Variants in HIVEP3 observed in about 807,000 individuals in gnomAD.
The protein encoded by HIVEP3 is HIVEP zinc finger 3, also known as transcription factor HIVEP3.
Under a neutral mutation model 152.8 loss-of-function variants are expected in HIVEP3, and 49 were observed. The ratio of observed to expected loss-of-function variants is 0.32; its 90% confidence interval spans 0.26 to 0.41. HIVEP3 has a LOEUF of 0.41. Ranked by LOEUF, HIVEP3 falls within the 10% of genes least tolerant of loss-of-function variation. The probability of loss-of-function intolerance (pLI) is 1.00; values close to 1 mark genes in which losing one functional copy is unlikely to be tolerated. For missense variants in HIVEP3, 2,790 were observed against 3,103.3 expected (o/e 0.90, Z 2.40); for synonymous variants, 1,269 against 1,289.0 (o/e 0.98, Z 0.33).
chr1:41,695,122 G>A (rs1451579407), intron 2 of HIVEP3, among the ~76,000 whole-genome samples: 1 of 152,192 alleles, frequency 6.6e-6, no homozygotes, highest in African/African-American at 2.4e-5. Context: ...GGGTCAAAGA[G>A]CTACTGTCAG....
At chr1:41,694,472 T>C (rs574852968) in intron 2 of HIVEP3, among the ~76,000 whole-genome samples, 1 of 152,282 alleles carries the variant, frequency 6.6e-6, no homozygotes, top group Non-Finnish European at 1.5e-5. Context: ...AATGAACAAG[T>C]GAATGAAAGA....
chr1:41,672,471 G>C (rs558547525), intron 2 of HIVEP3, among the ~76,000 whole-genome samples: 1 of 152,162 alleles, frequency 6.6e-6, no homozygotes, highest in South Asian at 2.1e-4. Context: ...GCAGTCCCAC[G>C]TGCCTCTCCC....
intron 2 of HIVEP3, among the ~76,000 whole-genome samples, chr1:41,651,780 T>A (rs1005777442): frequency 6.6e-6 from 1 of 152,240 alleles, no homozygotes; most frequent in Admixed American, 6.5e-5. Flanking sequence ...TTTTAAAAAT[T>A]TTTTTACATT....
chr1:41,770,005 G>A (rs1338850185), intron 1 of HIVEP3, among the ~76,000 whole-genome samples: 1 of 152,178 alleles, frequency 6.6e-6, no homozygotes, highest in Non-Finnish European at 1.5e-5. Context: ...GTCTCCCTCT[G>A]TTGCCCAGGC....
At chr1:41,637,458 C>T (rs2149154576) in intron 2 of HIVEP3, among the ~76,000 whole-genome samples, 1 of 152,364 alleles carries the variant, frequency 6.6e-6, no homozygotes, top group South Asian at 2.1e-4. Context: ...CCCCCTCCCT[C>T]AACAGTCTGC....
intron 1 of HIVEP3, among the ~76,000 whole-genome samples, chr1:42,018,192 C>A (rs1348475011): frequency 1.3e-5 from 2 of 151,536 alleles, no homozygotes; most frequent in African/African-American, 2.4e-5. Flanking sequence ...CTCTTTCATT[C>A]CCTTAATAGT....
chr1:41,852,861 A>T (rs1189572689), intron 1 of HIVEP3, among the ~76,000 whole-genome samples: 1 of 152,248 alleles, frequency 6.6e-6, no homozygotes, highest in Non-Finnish European at 1.5e-5. Flanking sequence ...AGTTCACTCC[A>T]GCAACTGGCT....
In HIVEP3 at chr1:41,946,094, G is replaced by C. The variant is rs113697137; in HGVS notation, n.120-27570C>G. On this transcript the variant is annotated intron_variant and non_coding_transcript_variant, in intron 1 of 3. Transcript: ENST00000489103. Reference sequence around the variant, plus strand: ...AGTGGACTTTGGAGGCTCTGGAAACGGGAAAAGCTGGGCAAATTGAATGCC... The same window carrying C: ...AGTGGACTTTGGAGGCTCTGGAAACCGGAAAAGCTGGGCAAATTGAATGCC... Among the ~76,000 whole-genome samples the C allele has an allele frequency of 8.3e-3, 1,262 of 152,290 alleles. 19 individuals are homozygous for C. The highest frequency in any genetic ancestry group is 0.029 in the African/African-American group (1,218 of 41,538).
At chr1:41,633,983 C>T (rs558201153) in intron 2 of HIVEP3, among the ~76,000 whole-genome samples, 1 of 152,268 alleles carries the variant, frequency 6.6e-6, no homozygotes, top group East Asian at 1.9e-4. Flanking sequence ...AATTTGGTAT[C>T]TGCATCATTT....
chr1:41,752,645 T>TGGGCCTGTC (rs1395460016), intron 1 of HIVEP3, among the ~76,000 whole-genome samples: 1 of 152,194 alleles, frequency 6.6e-6, no homozygotes, highest in Admixed American at 6.5e-5. Flanking sequence ...TGCAAATCCC[T>TGGGCCTGTC]GGGCCTGTCC....
chr1:41,584,854 T>C lies in HIVEP3; in HGVS notation c.-57A>G. The C allele has an allele frequency of 7.1e-7, 1 of 1,408,964 alleles. No homozygotes were observed. Among genetic ancestry groups the C allele is most frequent in the South Asian group, 1.7e-5 (1 of 57,396 alleles). 87.3% of individuals were successfully genotyped at this position (1,408,964 alleles called of 1,614,324 possible). A position where few individuals can be genotyped will look rare whatever the true frequency, so the allele number is the denominator to read the frequency against. On this transcript the variant is annotated 5_prime_UTR_variant, in exon 4 of 9. Coordinates refer to ENST00000372583, the MANE Select transcript of HIVEP3 (RefSeq NM_024503.5). This position sits in a 1 kb window ranked among gnomAD's most constrained non-coding sequence, Gnocchi z 5.2. ...GGAGAGTCAGGGCGGGCTGCATTTA[T>C]GAATAATCCCAGTGTCCCAAGGAGG...
intron 1 of HIVEP3, among the ~76,000 whole-genome samples, chr1:41,702,099 C>T (rs1242083627): frequency 6.6e-6 from 1 of 152,026 alleles, no homozygotes; most frequent in Non-Finnish European, 1.5e-5. Context: ...AAAGTTGTTA[C>T]GAGGAGTAAA....
intron 1 of HIVEP3, among the ~76,000 whole-genome samples, chr1:41,904,554 C>T (rs938417593): frequency 3.3e-5 from 5 of 152,142 alleles, no homozygotes; most frequent in South Asian, 2.1e-4. Context: ...ACACAGAGTG[C>T]GCCGTAAAAG....
chr1:41,583,792 C>G lies in HIVEP3; in HGVS notation c.1006G>C (p.Glu336Gln). The G allele has an allele frequency of 1.3e-6, 2 of 1,591,860 alleles. No homozygotes were observed. Among genetic ancestry groups the G allele is most frequent in the South Asian group, 1.2e-5 (1 of 86,574 alleles). The change falls in exon 4 of 9, where the codon GAA becomes CAA. Residue 336 changes from glutamate to glutamine, a missense_variant. Physicochemically the swap from Glu to Gln is conservative, Grantham distance 29. This residue lies in a region of HIVEP3 where 125 missense variants were observed against 130.1 expected (regional missense o/e 0.96). Coordinates refer to ENST00000372583, the MANE Select transcript of HIVEP3 (RefSeq NM_024503.5). This position sits in a 1 kb window ranked among gnomAD's most constrained non-coding sequence, Gnocchi z 6.9. ...GGTTCCACAAATGGAGGGGGGTCTTCGAGTGACTGGGCTGTGCTGGACTGG... is the reference window on the plus strand; with the variant it reads ...GGTTCCACAAATGGAGGGGGGTCTTGGAGTGACTGGGCTGTGCTGGACTGG... ...LSQSSTAQSL[E>Q]DPPPFVEPSS...
chr1:41,540,759 T>C (rs1048478614), intron 5 of HIVEP3, among the ~76,000 whole-genome samples: 2 of 151,144 alleles, frequency 1.3e-5, no homozygotes, highest in Admixed American at 1.3e-4. Flanking sequence ...TAAGAAAGAG[T>C]TTTCTGACCC....
At chr1:41,514,336 A>G (rs1421192867) in intron 7 of HIVEP3, among the ~76,000 whole-genome samples, 3 of 152,228 alleles carry the variant, frequency 2.0e-5, no homozygotes. Context: ...AAAAATAATT[A>G]TAGCTACCAT....
chr1:42,002,537 G>A (rs994273639), intron 1 of HIVEP3, among the ~76,000 whole-genome samples: 5 of 152,190 alleles, frequency 3.3e-5, no homozygotes, highest in East Asian at 3.8e-4. Context: ...AGGTAGTAGG[G>A]TTCCCCATGA....
At chr1:41,728,253 CAAT>C (rs1646786876) in intron 1 of HIVEP3, among the ~76,000 whole-genome samples, 1 of 152,180 alleles carries the variant, frequency 6.6e-6, no homozygotes. Flanking sequence ...AAAGCTAGAA[CAAT>C]AAGCATATCT....
intron 1 of HIVEP3, among the ~76,000 whole-genome samples, chr1:41,866,730 G>A (rs1420184274): frequency 1.3e-5 from 2 of 152,112 alleles, no homozygotes; most frequent in Admixed American, 6.5e-5. Flanking sequence ...CGACCATCAG[G>A]CACTCAAAGG....
Sources: gnomAD v4.1 joint callset for allele counts (sites outside exome capture counted in the v4.1 genomes callset) on GRCh38, gnomAD v4.1.1 for gene constraint, gnomAD v4.1.1 regional missense constraint, Gnocchi (gnomAD v3.1) non-coding constraint, MANE v1.5 for transcripts, NCBI Gene and HGNC (gene_info 2026-07-23, HGNC 2026-07-21) for gene names.